DIAPH1: variants seen among roughly 807,000 people sequenced by gnomAD.
DIAPH1 encodes the protein diaphanous related formin 1, also known as protein diaphanous homolog 1.
A neutral mutation model predicts 140.7 loss-of-function variants in DIAPH1; 46 were observed. That is an observed-to-expected ratio of 0.33 (90% confidence interval 0.26 to 0.42). The LOEUF (loss-of-function observed/expected upper bound fraction) is 0.42. DIAPH1 is among the 10% of genes least tolerant of loss of function. DIAPH1 has a pLI of 1.00. For missense variants in DIAPH1, 1,310 were observed against 1,558.7 expected, an observed-to-expected ratio of 0.84 and a Z score of 2.69; for synonymous variants, 565 against 551.6, an observed-to-expected ratio of 1.02 and a Z score of -0.34.
intron 18 of DIAPH1, among the ~76,000 whole-genome samples, chr5:141,547,420 G>A (rs945741601): frequency 1.3e-5 from 2 of 152,072 alleles, no homozygotes; most frequent in African/African-American, 4.8e-5. Context: ...AGCCAAGATC[G>A]CGGCACTGCA....
chr5:141,591,122 C>A (rs2099898329), intron 1 of DIAPH1, among the ~76,000 whole-genome samples: 1 of 152,154 alleles, frequency 6.6e-6, no homozygotes, highest in Non-Finnish European at 1.5e-5. Context: ...ACCTCAGACT[C>A]CATCTTCGTC....
chr5:141,532,459 C>G (rs918354901), intron 19 of DIAPH1, among the ~76,000 whole-genome samples: 2 of 152,190 alleles, frequency 1.3e-5, no homozygotes, highest in African/African-American at 4.8e-5. Flanking sequence ...GCCACCATGC[C>G]CAGCCTCCTT....
At chr5:141,571,896 G>T (rs773619558) in intron 17 of DIAPH1, 30 bp downstream of exon 17, 1 of 1,462,088 alleles carries the variant, frequency 6.8e-7, no homozygotes, top group Non-Finnish European at 9.6e-7. Flanking sequence ...CCCTACACTG[G>T]ACCTTTGCAT....
chr5:141,578,050 G>A, intron 11 of DIAPH1, 175 bp downstream of exon 11: 1 of 693,556 alleles, frequency 1.4e-6, no homozygotes, highest in Non-Finnish European at 2.6e-6. Flanking sequence ...CCTGATCTAT[G>A]ATAAGCTAAG....
rs541845126 is a variant in DIAPH1 at position 141,517,023 on chromosome 5, G to A, written c.3662-15C>T. ...CTTCCTGTTGGCTGCAAGAGAAGAC[G>A]AGAGATTCTGTCTATGGAAGGCCTC... is the stretch of plus-strand genomic sequence containing the variant. On this transcript the variant is annotated splice_polypyrimidine_tract_variant and intron_variant, in intron 27 of 27. Transcript: ENST00000389054. 6.2e-6 allele frequency: 10 copies of A among 1,613,938 alleles called. No individual in the cohort carries two copies. Among genetic ancestry groups the A allele is most frequent in the East Asian group, 2.2e-5 (1 of 44,908 alleles).
intron 27 of DIAPH1, among the ~76,000 whole-genome samples, chr5:141,521,587 C>G (rs1052231173): frequency 5.3e-5 from 8 of 152,162 alleles, no homozygotes; most frequent in Non-Finnish European, 1.0e-4. Context: ...ATTTAACATT[C>G]CTTTAAATTC....
intron 1 of DIAPH1, among the ~76,000 whole-genome samples, chr5:141,606,151 A>G (rs2099900907): frequency 6.6e-6 from 1 of 152,134 alleles, no homozygotes; most frequent in East Asian, 1.9e-4. Flanking sequence ...GGGTGGGAGT[A>G]TATGTGCTTA....
In DIAPH1 at chr5:141,526,149, G is replaced by A. The variant is rs369467830; in HGVS notation, c.3463C>T (p.Arg1155Trp). 8.2e-5 allele frequency: 132 copies of A among 1,613,998 alleles called. 1 individual carries two copies. In the East Asian group the frequency reaches 1.7e-3, roughly 21 times the overall value. ...FLQAVKENQK[R>W]RETEEKMRRA... ...CTCATCTTTTCTTCTGTCTCCCGCC[G>A]CTTCTGGTTCTCCTTGACTGCTTGC... The change falls in exon 26 of 28, where the codon CGG becomes TGG. Residue 1155 changes from arginine to tryptophan, a missense_variant. By Grantham distance (101) the Arg-to-Trp change is moderately radical. Around this residue, in one of 3 missense-constraint regions of DIAPH1, gnomAD observed 344 missense variants for 512.2 expected, o/e 0.67. Coordinates refer to ENST00000389054, the MANE Select transcript of DIAPH1 (RefSeq NM_005219.5).
In DIAPH1 at chr5:141,606,873, G is replaced by A. The variant is rs561659068; in HGVS notation, c.117+11925C>T. ...CTGCCCCATAGTTACTTTGGTGAGA[G>A]AGAATTAATGTTTTCAAAACTGTCA... On this transcript the variant is annotated intron_variant, in intron 1 of 27. Transcript: ENST00000389054. Among the ~76,000 whole-genome samples, 26 of 151,114 alleles carry A rather than the reference G, an allele frequency of 1.7e-4. No homozygotes were observed. In the South Asian group the frequency reaches 4.6e-3, roughly 27 times the overall value.
rs1264274304 is a variant in DIAPH1 at position 141,579,113 on chromosome 5, T to C, written c.908A>G (p.Lys303Arg). ...CTTCAGTGCAATAGTGGTTCCACTT[T>C]TTAATCCATCCAGCAGCGGCTGGAA... is the stretch of plus-strand genomic sequence containing the variant. ...ERFQPLLDGLKSGTTIALKVG... is the reference protein window; with the variant it reads ...ERFQPLLDGLRSGTTIALKVG... Residue 303 changes from lysine (K) to arginine (R), a missense_variant, in exon 9 of 28, where the codon AAA becomes AGA. Coordinates refer to ENST00000389054, the MANE Select transcript of DIAPH1 (RefSeq NM_005219.5). 1 of 1,614,068 alleles carries C rather than the reference T, an allele frequency of 6.2e-7. No individual in the cohort carries two copies. The highest frequency in any genetic ancestry group is 2.2e-5 in the East Asian group (1 of 44,892).
chr5:141,536,167 T>C, intron 18 of DIAPH1: 1 of 364,760 alleles, frequency 2.7e-6, no homozygotes, highest in Non-Finnish European at 5.7e-6. Flanking sequence ...CCGGGCATGG[T>C]GGCGCGCACC....
intron 18 of DIAPH1, among the ~76,000 whole-genome samples, chr5:141,537,365 C>A (rs2099889186): frequency 6.6e-6 from 1 of 151,566 alleles, no homozygotes; most frequent in African/African-American, 2.4e-5. Context: ...TGCCTGTAAT[C>A]CCAGCTACTA....
intron 1 of DIAPH1, among the ~76,000 whole-genome samples, chr5:141,595,259 T>C (rs918595022): frequency 6.6e-6 from 1 of 152,152 alleles, no homozygotes; most frequent in Non-Finnish European, 1.5e-5. Flanking sequence ...TAGTGATGGA[T>C]ATATGTCATT....
chr5:141,529,043 G>A, intron 21 of DIAPH1, 102 bp from the exon 22 acceptor site: 2 of 1,586,918 alleles, frequency 1.3e-6, no homozygotes, highest in Admixed American at 3.4e-5. Flanking sequence ...CTCCAGAGCA[G>A]GGAGAAGAGA....
At chr5:141,553,784 G>A (rs900816111) in intron 18 of DIAPH1, among the ~76,000 whole-genome samples, 1 of 152,062 alleles carries the variant, frequency 6.6e-6, no homozygotes, top group African/African-American at 2.4e-5. Context: ...TAAAGATAGA[G>A]ACAAGAACAG....
intron 11 of DIAPH1, among the ~76,000 whole-genome samples, chr5:141,577,794 A>G (rs1321830049): frequency 6.6e-6 from 1 of 152,224 alleles, no homozygotes; most frequent in Non-Finnish European, 1.5e-5. Context: ...GGTACTATAC[A>G]CACAGAGGAT....
chr5:141,557,909 G>A (rs1231389120), intron 18 of DIAPH1: 1 of 152,186 alleles, frequency 6.6e-6, no homozygotes, highest in Non-Finnish European at 1.5e-5. Flanking sequence ...CTCCTCCTTT[G>A]CCTAACTCCT....
At chr5:141,601,577 A>G (rs575920265) in intron 1 of DIAPH1, among the ~76,000 whole-genome samples, 1 of 152,224 alleles carries the variant, frequency 6.6e-6, no homozygotes, top group Non-Finnish European at 1.5e-5. Flanking sequence ...GGCGTGAGCC[A>G]CCGCACCGGG....
intron 1 of DIAPH1, among the ~76,000 whole-genome samples, chr5:141,614,952 A>G (rs1454220277): frequency 2.0e-5 from 3 of 152,180 alleles, no homozygotes; most frequent in Admixed American, 1.3e-4. Context: ...TATAAGCAGA[A>G]ATCTGCACGA....
Sources: allele counts gnomAD v4.1 joint callset (sites outside exome capture counted in the v4.1 genomes callset), GRCh38; gene constraint gnomAD v4.1.1; regional missense constraint gnomAD v4.1.1; transcripts MANE v1.5; gene names NCBI Gene and HGNC (gene_info 2026-07-23, HGNC 2026-07-21).